Variants in CSNK1E observed in about 807,000 individuals in gnomAD.
CSNK1E encodes the protein casein kinase I isoform epsilon.
A neutral mutation model predicts 46.1 loss-of-function variants in CSNK1E; 17 were observed. That is an observed-to-expected ratio of 0.37 (90% CI 0.25 to 0.55). The LOEUF (loss-of-function observed/expected upper bound fraction) is 0.55, where lower values mean the gene tolerates loss of function less well. CSNK1E is among the 20% of genes least tolerant of loss of function. The pLI is 0.82. For synonymous variants in CSNK1E, 241 were observed against 242.6 expected (o/e 0.99, Z 0.06); for missense variants, 386 against 595.4 (o/e 0.65, Z 3.66).
chr22:38,297,897 C>T, intron 7 of CSNK1E: 1 of 1,064,070 alleles, frequency 9.4e-7, no homozygotes, highest in Non-Finnish European at 1.1e-6. Flanking sequence ...GAAATGGGGC[C>T]CTGGAGTCCA....
At chr22:38,297,891 T>C in intron 7 of CSNK1E, 1 of 1,052,456 alleles carries the variant, frequency 9.5e-7, no homozygotes, top group Non-Finnish European at 1.2e-6. Context: ...ACATCAGAAA[T>C]GGGGCCCTGG....
intron 7 of CSNK1E, among the ~76,000 whole-genome samples, chr22:38,297,438 A>C (rs2092646842): frequency 6.6e-6 from 1 of 152,196 alleles, no homozygotes; most frequent in African/African-American, 2.4e-5. Flanking sequence ...CGAGACCCCC[A>C]TTCTCTGCCT....
At chr22:38,296,659 C>CA in intron 7 of CSNK1E, 1 of 1,612,832 alleles carries the variant, frequency 6.2e-7, no homozygotes, top group Non-Finnish European at 8.5e-7. Context: ...GTCAGACCAG[C>CA]AGCAGTGGGT....
intron 1 of CSNK1E, among the ~76,000 whole-genome samples, chr22:38,316,177 T>C (rs970646486): frequency 2.0e-5 from 3 of 152,168 alleles, no homozygotes; most frequent in Non-Finnish European, 1.5e-5. Flanking sequence ...TTAAAAAAAT[T>C]AGACAAACTA....
rs2092754314 is a variant in CSNK1E, at chr22:38,317,412, C to A, written c.-265G>T. The A allele has an allele frequency of 7.4e-6, 1 of 135,782 alleles. No homozygotes were observed. Among genetic ancestry groups the A allele is most frequent in the Admixed American group, 7.1e-5 (1 of 14,050 alleles). 8.4% of individuals were successfully genotyped at this position (135,782 alleles called of 1,614,324 possible). A position where few individuals can be genotyped will look rare whatever the true frequency, so the allele number is the denominator to read the frequency against. ...GGCCTCCTGCCCGCCCGCCCGCCCC[C>A]GCCGCCGGCTCGCGCGCTCTCGCAC... On this transcript the variant is annotated 5_prime_UTR_variant, in exon 1 of 11. Transcript: ENST00000396832.
rs2092605851 is a variant in CSNK1E at position 38,290,935 on chromosome 22, A to G, written c.*1036T>C. The G allele has an allele frequency of 6.6e-6, 1 of 152,222 alleles. No individual in the cohort carries two copies. The highest frequency in any genetic ancestry group is 1.5e-5 in the Non-Finnish European group (1 of 67,970). The allele number at this position is 152,222 out of a possible 1,614,324, so 9.4% of individuals were successfully genotyped here. A position where few individuals can be genotyped will look rare whatever the true frequency, so the allele number is the denominator to read the frequency against. On this transcript the variant is annotated 3_prime_UTR_variant, in exon 11 of 11. Transcript: ENST00000396832. Reference sequence around the variant, plus strand: ...ACACACGGAGAAAACAAACAAAAATAAAATAAAATAAAAACAAAAAGGTGT... The same window carrying G: ...ACACACGGAGAAAACAAACAAAAATGAAATAAAATAAAAACAAAAAGGTGT...
intron 4 of CSNK1E, among the ~76,000 whole-genome samples, chr22:38,301,732 C>A (rs1002454516): frequency 6.6e-6 from 1 of 152,114 alleles, no homozygotes; most frequent in Non-Finnish European, 1.5e-5. Flanking sequence ...CCTTTTCAGT[C>A]GAGTTTTTAA....
intron 2 of CSNK1E, among the ~76,000 whole-genome samples, chr22:38,310,688 C>A (rs1335298639): frequency 1.3e-5 from 2 of 152,214 alleles, no homozygotes; most frequent in African/African-American, 4.8e-5. Flanking sequence ...GCATGGGCAA[C>A]AGCAGTGCCT....
intron 1 of CSNK1E, among the ~76,000 whole-genome samples, chr22:38,314,846 C>T (rs1485430355): frequency 6.6e-6 from 1 of 152,176 alleles, no homozygotes; most frequent in Non-Finnish European, 1.5e-5. Context: ...CAGCTTCTCT[C>T]CTTCCTCAGG....
In CSNK1E at chr22:38,299,798, G is replaced by A. The variant is rs770122749; in HGVS notation, c.736+97C>T. On this transcript the variant is annotated intron_variant, in intron 6 of 10. Transcript: ENST00000396832. Reference sequence around the variant, plus strand: ...GCCAGGACTGCAGGCGTGAACCACCGCGCCTAGCCCCAGCGTGGGCTTTGT... The same window carrying A: ...GCCAGGACTGCAGGCGTGAACCACCACGCCTAGCCCCAGCGTGGGCTTTGT... The A allele has an allele frequency of 9.1e-5, 128 of 1,404,348 alleles. 1 individual carries two copies. The highest frequency in any genetic ancestry group is 7.9e-4 in the Middle Eastern group (4 of 5,082). The allele number at this position is 1,404,348 out of a possible 1,614,324, so 87.0% of individuals were successfully genotyped here.
intron 2 of CSNK1E, among the ~76,000 whole-genome samples, chr22:38,311,252 GT>G (rs907661087): frequency 2.0e-5 from 3 of 152,170 alleles, no homozygotes; most frequent in African/African-American, 7.2e-5. Context: ...GATGGACAAG[GT>G]CATCACCTGC....
Position 38,294,172 on chromosome 22 carries a change from G to A in CSNK1E, c.1155C>T (p.Pro385=), listed in dbSNP as rs761539673. 35 of 1,612,106 alleles carry A rather than the reference G, an allele frequency of 2.2e-5. No individual in the cohort carries two copies. The highest frequency in any genetic ancestry group is 1.7e-4 in the Middle Eastern group (1 of 6,050). The stretch of plus-strand genomic sequence containing the variant: ...TGAGGTCTGAGGAGGAGACGTTGGC[G>A]GGCGCACCCCTGTGCAGCCTCATAC... ...KVSMRLHRGA[P]ANVSSSDLTG... is the part of the protein sequence containing the mutation. The change falls in exon 9 of 11, where the codon CCC becomes CCT. Residue 385 remains proline (P), a synonymous_variant. Transcript: ENST00000396832. The surrounding 1 kb of genome is among the most constrained non-coding windows in gnomAD (Gnocchi z 5.5).
At chr22:38,315,018 CAG>C (rs1236967020) in intron 1 of CSNK1E, among the ~76,000 whole-genome samples, 2 of 152,182 alleles carry the variant, frequency 1.3e-5, no homozygotes, top group East Asian at 3.8e-4. Context: ...CTGCAGTAAA[CAG>C]GGGGAGGGGT....
chr22:38,308,356 C>T (rs995227502), intron 2 of CSNK1E, among the ~76,000 whole-genome samples: 2 of 152,132 alleles, frequency 1.3e-5, no homozygotes, highest in African/African-American at 4.8e-5. Context: ...CACAGGTTTC[C>T]AGGGGACAGT....
In CSNK1E at chr22:38,309,077, A is replaced by G. The variant is rs2092710419; in HGVS notation, c.76+5005T>C. On this transcript the variant is annotated intron_variant, in intron 2 of 10. Coordinates refer to ENST00000396832, the MANE Select transcript of CSNK1E (RefSeq NM_152221.3). The surrounding 1 kb of genome is among the most constrained non-coding windows in gnomAD (Gnocchi z 4.8). Reference sequence around the variant, plus strand: ...GGCACTGCACAGTCTAACAGCACCCATGACTTCTACCCACTAGATGCCAGG... The same window carrying G: ...GGCACTGCACAGTCTAACAGCACCCGTGACTTCTACCCACTAGATGCCAGG... Among the ~76,000 whole-genome samples the G allele has an allele frequency of 6.6e-6, 1 of 152,236 alleles. No individual in the cohort carries two copies. Among genetic ancestry groups the G allele is most frequent in the South Asian group, 2.1e-4 (1 of 4,838 alleles).
chr22:38,313,075 C>T (rs1231610473), intron 2 of CSNK1E, among the ~76,000 whole-genome samples: 1 of 152,210 alleles, frequency 6.6e-6, no homozygotes, highest in Non-Finnish European at 1.5e-5. Flanking sequence ...GTCTCCGTCC[C>T]CGTCTCCATT....
chr22:38,301,000 C>T lies in CSNK1E; in HGVS notation c.337-48G>A. ...GTTCAACAGAGGGGCCCTTGCCTAG[C>T]ACTCTGGGCCAGGCAGGGGCTGGGG... On this transcript the variant is annotated intron_variant, in intron 4 of 10. Coordinates refer to ENST00000396832, the MANE Select transcript of CSNK1E (RefSeq NM_152221.3). The surrounding 1 kb of genome is among the most constrained non-coding windows in gnomAD (Gnocchi z 4.4). The T allele has an allele frequency of 6.6e-7, 1 of 1,523,054 alleles. No individual in the cohort carries two copies. Among genetic ancestry groups the T allele is most frequent in the South Asian group, 1.1e-5 (1 of 88,354 alleles). 94.3% of individuals were successfully genotyped at this position (1,523,054 alleles called of 1,614,324 possible).
rs1399571868 is a variant in CSNK1E at position 38,317,242 on chromosome 22, G to C, written c.-95C>G. The C allele has an allele frequency of 6.7e-6, 1 of 148,634 alleles. No homozygotes were observed. The highest frequency in any genetic ancestry group is 1.5e-5 in the Non-Finnish European group (1 of 66,638). The allele number at this position is 148,634 out of a possible 1,614,324, so 9.2% of individuals were successfully genotyped here. On this transcript the variant is annotated 5_prime_UTR_variant, in exon 1 of 11. The change creates a new upstream start codon in the 5' untranslated region. Coordinates refer to ENST00000396832, the MANE Select transcript of CSNK1E (RefSeq NM_152221.3). ...CGGCCCGCCGGGGCGGATGCCGGAG[G>C]ATTCGCGGAGCCGCCCGGCGCGCCA...
In CSNK1E at chr22:38,294,262, G is replaced by T; in HGVS notation, c.1079-14C>A. 6.2e-7 allele frequency: 1 copy of T among 1,610,102 alleles called. No individual in the cohort carries two copies. On this transcript the variant is annotated splice_polypyrimidine_tract_variant and intron_variant, in intron 8 of 10. Transcript: ENST00000396832. This position sits in a 1 kb window ranked among gnomAD's most constrained non-coding sequence, Gnocchi z 5.5. ...GAGAAGTATTGCCTGGAGGGAGAGT[G>T]GGAAGCCACCCTCAGAGTAGGCACA...
Sources: gnomAD v4.1 joint callset for allele counts (sites outside exome capture counted in the v4.1 genomes callset) on GRCh38, gnomAD v4.1.1 for gene constraint, Gnocchi (gnomAD v3.1) non-coding constraint, MANE v1.5 for transcripts, NCBI Gene and HGNC (gene_info 2026-07-23, HGNC 2026-07-21) for gene names.